ERG: variants seen among roughly 807,000 people sequenced by gnomAD.
The protein encoded by ERG is transcriptional regulator ERG.
A neutral mutation model predicts 55.3 loss-of-function variants in ERG; 9 were observed. The observed-to-expected ratio is 0.16, with a 90% CI of 0.10 to 0.28. ERG has a LOEUF of 0.28. ERG is among the 10% of genes least tolerant of loss of function. The pLI is 1.00. For synonymous variants in ERG, 223 were observed against 237.3 expected (o/e 0.94, Z 0.55); for missense variants, 434 against 631.6 (o/e 0.69, Z 3.35).
intron 2 of ERG, among the ~76,000 whole-genome samples, chr21:38,434,086 C>T (rs1278906424): frequency 1.3e-5 from 2 of 152,156 alleles, no homozygotes; most frequent in Non-Finnish European, 2.9e-5. Context: ...CCATCATGGC[C>T]CAGAGCCCCT....
chr21:38,485,279 G>T (rs1185635696), intron 1 of ERG, among the ~76,000 whole-genome samples: 1 of 152,046 alleles, frequency 6.6e-6, no homozygotes, highest in Non-Finnish European at 1.5e-5. Flanking sequence ...AAAGCTTATT[G>T]AGTAAGGATA....
Position 38,391,722 on chromosome 21 carries a change from A to T in ERG, c.815-7T>A, listed in dbSNP as rs2146429367. The T allele has an allele frequency of 6.2e-7, 1 of 1,613,402 alleles. No homozygotes were observed. The highest frequency in any genetic ancestry group is 8.5e-7 in the Non-Finnish European group (1 of 1,179,624). On this transcript the variant is annotated splice_polypyrimidine_tract_variant and splice_region_variant and intron_variant, in intron 7 of 9. Transcript: ENST00000288319. ...GAAGGAGATGGTTGAGCAGCTGAAA[A>T]TCCAGAAATACAAAAGGCAATTAGC...
At chr21:38,471,133 G>A (rs960106486) in intron 1 of ERG, 1 of 152,164 alleles carries the variant, frequency 6.6e-6, no homozygotes, top group African/African-American at 2.4e-5. Flanking sequence ...TTGGACTATG[G>A]AGTTTAGTGA....
At chr21:38,392,008 A>T (rs1176288531) in intron 7 of ERG, among the ~76,000 whole-genome samples, 1 of 152,222 alleles carries the variant, frequency 6.6e-6, no homozygotes, top group Non-Finnish European at 1.5e-5. Flanking sequence ...AATAAATCAT[A>T]GTCTAAGATA....
Position 38,380,043 on chromosome 21 carries a change from G to A in ERG, c.*3360C>T, listed in dbSNP as rs1320354482. ...GGCACAGAATTTGGTGTATTTTTGA[G>A]TAGTCCAAAGTAATTTTTATTCTCT... On this transcript the variant is annotated 3_prime_UTR_variant, in exon 10 of 10. Coordinates refer to ENST00000288319, the MANE Select transcript of ERG (RefSeq NM_182918.4). 9 of 1,012,664 alleles carry A rather than the reference G, an allele frequency of 8.9e-6. No homozygotes were observed. The highest frequency in any genetic ancestry group is 1.1e-5 in the Non-Finnish European group (9 of 845,288). 62.7% of individuals were successfully genotyped at this position (1,012,664 alleles called of 1,614,324 possible). A position where few individuals can be genotyped will look rare whatever the true frequency, so the allele number is the denominator to read the frequency against.
At chr21:38,483,043 T>C (rs192073176) in intron 1 of ERG, among the ~76,000 whole-genome samples, 1 of 152,322 alleles carries the variant, frequency 6.6e-6, no homozygotes, top group African/African-American at 2.4e-5. Context: ...GACGTTATGC[T>C]AAGTGAAATA....
chr21:38,418,290 T>C (rs944064723), intron 3 of ERG, among the ~76,000 whole-genome samples: 14 of 151,612 alleles, frequency 9.2e-5, no homozygotes, highest in South Asian at 2.1e-4. Context: ...TGTGTGTGTG[T>C]GTGTGTGTGT....
chr21:38,403,059 C>T (rs1041492182), intron 4 of ERG, among the ~76,000 whole-genome samples: 16 of 152,208 alleles, frequency 1.1e-4, no homozygotes, highest in African/African-American at 3.4e-4. Flanking sequence ...GAAAACTTCC[C>T]TTGTTCTGTG....
intron 1 of ERG, among the ~76,000 whole-genome samples, chr21:38,493,861 A>T (rs2059358162): frequency 6.6e-6 from 1 of 152,176 alleles, no homozygotes; most frequent in Admixed American, 6.5e-5. Flanking sequence ...TGGGTGTGGG[A>T]GGCCGCACAT....
intron 2 of ERG, among the ~76,000 whole-genome samples, chr21:38,519,665 G>GAAATAGAGAATGAA (rs2059579286): frequency 2.6e-5 from 4 of 152,304 alleles, no homozygotes; most frequent in African/African-American, 4.8e-5. Context: ...AATTAGAGAA[G>GAAATAGAGAATGAA]TAAACAAAGA....
chr21:38,547,533 G>A (rs1049165657), intron 2 of ERG, among the ~76,000 whole-genome samples: 2 of 152,166 alleles, frequency 1.3e-5, no homozygotes, highest in East Asian at 3.9e-4. Context: ...AGGAAAAGAT[G>A]AACAGTGACC....
chr21:38,427,629 T>C (rs1443140215), intron 2 of ERG, among the ~76,000 whole-genome samples: 1 of 152,052 alleles, frequency 6.6e-6, no homozygotes, highest in African/African-American at 2.4e-5. Flanking sequence ...ACAGAATGAC[T>C]CCACAAAGTA....
At position 38,380,916 on chromosome 21, in the gene ERG, C is replaced by T. The variant is rs1314917809; in HGVS notation, c.*2487G>A. 5 of 1,065,274 alleles carry T rather than the reference C, an allele frequency of 4.7e-6. No individual in the cohort carries two copies. The African/African-American group carries it at 6.5e-5, about 14-fold the overall frequency. 66.0% of individuals were successfully genotyped at this position (1,065,274 alleles called of 1,614,324 possible). A position where few individuals can be genotyped will look rare whatever the true frequency, so the allele number is the denominator to read the frequency against. ...TATGAAGAATGTAGGTGTGTCTTGACTTTGCATTCCAAAATAAAAATGACT... is the reference window on the plus strand; with the variant it reads ...TATGAAGAATGTAGGTGTGTCTTGATTTTGCATTCCAAAATAAAAATGACT... On this transcript the variant is annotated 3_prime_UTR_variant, in exon 10 of 10. Coordinates refer to ENST00000288319, the MANE Select transcript of ERG (RefSeq NM_182918.4).
chr21:38,650,646 A>C (rs941783744), intron 1 of ERG, among the ~76,000 whole-genome samples: 1 of 152,180 alleles, frequency 6.6e-6, no homozygotes, highest in Non-Finnish European at 1.5e-5. Flanking sequence ...CAAGAAATAA[A>C]AATTAAAAAA....
chr21:38,473,035 TC>T (rs1194261557), intron 1 of ERG, among the ~76,000 whole-genome samples: 8 of 152,106 alleles, frequency 5.3e-5, no homozygotes, highest in Non-Finnish European at 8.8e-5. Context: ...GGGCAGAACT[TC>T]CGGGACCTGC....
At chr21:38,437,993 C>G (rs1202462974) in intron 2 of ERG, among the ~76,000 whole-genome samples, 2 of 152,328 alleles carry the variant, frequency 1.3e-5, no homozygotes, top group Admixed American at 6.5e-5. Context: ...GCAATGGCCC[C>G]ACGGGCTCTC....
chr21:38,653,656 TCAGA>T (rs1221769409), intron 1 of ERG, among the ~76,000 whole-genome samples: 2 of 152,174 alleles, frequency 1.3e-5, no homozygotes, highest in African/African-American at 2.4e-5. Flanking sequence ...ATTGCTGCAG[TCAGA>T]CAGACAGGTG....
chr21:38,447,904 T>A (rs2058906608), intron 1 of ERG, among the ~76,000 whole-genome samples: 1 of 152,064 alleles, frequency 6.6e-6, no homozygotes, highest in Non-Finnish European at 1.5e-5. Flanking sequence ...TATCAGAAAT[T>A]GGCGAAAACA....
At position 38,457,344 on chromosome 21, in the gene ERG, G is replaced by A. The variant is rs1040861531; in HGVS notation, c.19-11723C>T. ...CCAGCTACTCAGGAGGCTGAGGCAG[G>A]AGAATCGCTTGAACCTGGGGGACAG... On this transcript the variant is annotated intron_variant, in intron 1 of 9. Coordinates refer to ENST00000288319, the MANE Select transcript of ERG (RefSeq NM_182918.4). 2.0e-5 allele frequency among the ~76,000 whole-genome samples: 3 copies of A among 152,060 alleles called. No individual in the cohort carries two copies. The South Asian group carries it at 6.2e-4, about 32-fold the overall frequency.
Sources: allele counts gnomAD v4.1 joint callset (sites outside exome capture counted in the v4.1 genomes callset), GRCh38; gene constraint gnomAD v4.1.1; transcripts MANE v1.5; gene names NCBI Gene and HGNC (gene_info 2026-07-23, HGNC 2026-07-21).